The following PAN3 variants were observed in gnomAD, a reference collection of about 807,000 sequenced individuals.
PAN3 encodes PAN2-PAN3 deadenylation complex subunit PAN3.
PAN3 carries 19 observed loss-of-function variants against 96.2 expected under a neutral mutation model. The observed-to-expected ratio is 0.20, with a 90% CI of 0.14 to 0.29. The LOEUF (loss-of-function observed/expected upper bound fraction) is 0.29, where lower values mean the gene tolerates loss of function less well. Among genes scored for constraint, PAN3 ranks in the 10% least tolerant of loss-of-function variants. The probability of loss-of-function intolerance (pLI) is 1.00; values close to 1 mark genes in which losing one functional copy is unlikely to be tolerated. For missense variants in PAN3, 882 were observed against 1,108.1 expected (o/e 0.80, Z 2.90); for synonymous variants, 433 against 406.6 (o/e 1.06, Z -0.78).
chr13:28,250,439 C>T (rs1884615291), intron 6 of PAN3, among the ~76,000 whole-genome samples: 1 of 152,128 alleles, frequency 6.6e-6, no homozygotes, highest in Non-Finnish European at 1.5e-5. Context: ...AACCTCTGCT[C>T]ACTGCAACCT....
At chr13:28,239,199 A>ACG (rs547893609) in intron 6 of PAN3, among the ~76,000 whole-genome samples, 6,173 of 113,006 alleles carry the variant, frequency 0.055, 204 homozygotes, top group South Asian at 0.17. Flanking sequence ...GCATGCACAC[A>ACG]CGCACACACA....
intron 6 of PAN3, among the ~76,000 whole-genome samples, chr13:28,250,875 C>CT (rs1311872133): frequency 3.3e-5 from 5 of 151,932 alleles, no homozygotes; most frequent in Non-Finnish European, 5.9e-5. Flanking sequence ...AATCACAATT[C>CT]TTTTTTTTCG....
At chr13:28,199,720 A>G (rs575852438) in intron 5 of PAN3, among the ~76,000 whole-genome samples, 3 of 152,078 alleles carry the variant, frequency 2.0e-5, no homozygotes, top group African/African-American at 7.2e-5. Context: ...AAAGTAACTT[A>G]CCAATTCCAT....
At chr13:28,277,144 A>G in intron 14 of PAN3, 93 bp from the exon 15 acceptor site, 1 of 1,264,528 alleles carries the variant, frequency 7.9e-7, no homozygotes, top group South Asian at 1.5e-5. Flanking sequence ...CTTATTTATA[A>G]TGATGCTTTT....
intron 5 of PAN3, among the ~76,000 whole-genome samples, chr13:28,200,119 A>C (rs934231659): frequency 6.6e-6 from 1 of 152,200 alleles, no homozygotes; most frequent in African/African-American, 2.4e-5. Flanking sequence ...GTCAGACTCA[A>C]AATCTCTTTA....
chr13:28,162,823 CAG>C (rs1873050221), intron 1 of PAN3, among the ~76,000 whole-genome samples: 1 of 148,432 alleles, frequency 6.7e-6, no homozygotes, highest in Non-Finnish European at 1.5e-5. Context: ...GCCTGGGTGA[CAG>C]AGGGAGACTT....
At chr13:28,229,980 C>A (rs1413187582) in intron 6 of PAN3, among the ~76,000 whole-genome samples, 1 of 152,136 alleles carries the variant, frequency 6.6e-6, no homozygotes, top group Non-Finnish European at 1.5e-5. Context: ...TCTCCTCTTT[C>A]CTCTTAATCT....
At chr13:28,198,860 T>C (rs1354815974) in intron 5 of PAN3, among the ~76,000 whole-genome samples, 3 of 152,222 alleles carry the variant, frequency 2.0e-5, no homozygotes, top group Non-Finnish European at 2.9e-5. Context: ...TTTGTTCTGT[T>C]TATTACTGAT....
At chr13:28,176,974 T>C (rs1330676287) in intron 3 of PAN3, among the ~76,000 whole-genome samples, 2 of 152,178 alleles carry the variant, frequency 1.3e-5, no homozygotes, top group East Asian at 3.9e-4. Context: ...AAGGTAAGTC[T>C]GAAAAACCAG....
chr13:28,201,575 G>T (rs1878706942), intron 5 of PAN3, among the ~76,000 whole-genome samples: 1 of 151,054 alleles, frequency 6.6e-6, no homozygotes, highest in South Asian at 2.1e-4. Flanking sequence ...TTTTTTTTAA[G>T]AGACGGGGGA....
At chr13:28,286,077 T>C (rs995154725) in intron 17 of PAN3, among the ~76,000 whole-genome samples, 4 of 152,258 alleles carry the variant, frequency 2.6e-5, no homozygotes, top group African/African-American at 9.6e-5. Flanking sequence ...GATTATAGAA[T>C]GTTGAACCTT....
At chr13:28,196,545 GT>G (rs1471646688) in intron 4 of PAN3, among the ~76,000 whole-genome samples, 1 of 148,312 alleles carries the variant, frequency 6.7e-6, no homozygotes, top group African/African-American at 2.5e-5. Flanking sequence ...TTGTGTTACT[GT>G]TTTGTTGTTG....
At chr13:28,253,598 CT>C (rs961588017) in intron 6 of PAN3, among the ~76,000 whole-genome samples, 2,491 of 142,888 alleles carry the variant, frequency 0.017, 28 homozygotes, top group African/African-American at 0.029. Flanking sequence ...CTTTGCTTTC[CT>C]TTTTTTTTTT....
At chr13:28,230,279 T>C (rs866844750) in intron 6 of PAN3, among the ~76,000 whole-genome samples, 2 of 152,132 alleles carry the variant, frequency 1.3e-5, no homozygotes, top group South Asian at 2.1e-4. Flanking sequence ...AACGGATTCC[T>C]TCCACCTTGG....
intron 6 of PAN3, among the ~76,000 whole-genome samples, chr13:28,223,034 T>A (rs1189992917): frequency 1.3e-5 from 2 of 152,094 alleles, no homozygotes; most frequent in Non-Finnish European, 2.9e-5. Context: ...CAAAGTTGAG[T>A]GGATATTAAG....
intron 5 of PAN3, among the ~76,000 whole-genome samples, chr13:28,198,186 T>C (rs1878289835): frequency 6.6e-6 from 1 of 151,606 alleles, no homozygotes. Flanking sequence ...CTCGAGAGGC[T>C]GAGGCAGAAG....
chr13:28,217,113 CAAA>C (rs59698303), intron 5 of PAN3, among the ~76,000 whole-genome samples: 8 of 115,118 alleles, frequency 6.9e-5, no homozygotes, highest in African/African-American at 2.4e-4. Context: ...AACTCTGTCT[CAAA>C]AAAAAAAAAA....
chr13:28,276,308 G>A (rs1323460425), intron 14 of PAN3, among the ~76,000 whole-genome samples: 1 of 152,134 alleles, frequency 6.6e-6, no homozygotes, highest in Non-Finnish European at 1.5e-5. Context: ...TAATTTAGAT[G>A]AGTTCTCAGA....
intron 1 of PAN3, among the ~76,000 whole-genome samples, chr13:28,166,790 G>A (rs530041016): frequency 2.0e-5 from 3 of 152,328 alleles, no homozygotes; most frequent in Admixed American, 6.5e-5. Context: ...GCCCTCCAGA[G>A]TGGAGGCCTG....
Sources: allele counts gnomAD v4.1 joint callset (sites outside exome capture counted in the v4.1 genomes callset), GRCh38; gene constraint gnomAD v4.1.1; transcripts MANE v1.5; gene names NCBI Gene and HGNC (gene_info 2026-07-23, HGNC 2026-07-21).